The following MLIP variants were observed in gnomAD, a reference collection of about 807,000 sequenced individuals.
MLIP encodes the protein muscular LMNA interacting protein, also known as muscular LMNA-interacting protein.
Under a neutral mutation model 84.8 loss-of-function variants are expected in MLIP, and 79 were observed. That is an observed-to-expected ratio of 0.93 (90% confidence interval 0.78 to 1.12). The LOEUF is 1.12. MLIP is among the 50% of genes most tolerant of loss of function. The pLI, the probability that MLIP is intolerant of heterozygous loss-of-function variation, is 0.00. For synonymous variants in MLIP, 504 were observed against 463.0 expected (o/e 1.09, Z -1.14); for missense variants, 1,257 against 1,160.6 (o/e 1.08, Z -1.21).
Position 54,137,355 on chromosome 6 carries a change from G to A in MLIP, c.1286G>A (p.Arg429Lys). ...CTCAAGTCAAACCCTTCCCACCAAA[G>A]ACCCTTTTCCCCTGCATCCTGTCCC... The part of the protein sequence containing the change: ...AILKSNPSHQ[R>K]PFSPASCPTF... Residue 429 changes from arginine to lysine, a missense_variant, in exon 4 of 14, where the codon AGA becomes AAA. Coordinates refer to ENST00000502396, the MANE Select transcript of MLIP (RefSeq NM_001281747.2). 1 of 1,535,714 alleles carries A rather than the reference G, an allele frequency of 6.5e-7. No homozygotes were observed. Among genetic ancestry groups the A allele is most frequent in the Non-Finnish European group, 8.7e-7 (1 of 1,146,826 alleles).
upstream of MLIP, among the ~76,000 whole-genome samples, chr6:54,107,036 A>G (rs1769067800): frequency 5.3e-5 from 8 of 152,204 alleles, no homozygotes; most frequent in African/African-American, 1.7e-4. Flanking sequence ...TAATTCAACA[A>G]GGAGAGAGTG....
chr6:54,197,070 G>A (rs565145553), intron 10 of MLIP, among the ~76,000 whole-genome samples: 1 of 152,116 alleles, frequency 6.6e-6, no homozygotes, highest in South Asian at 2.1e-4. Context: ...ACAGTGAAGG[G>A]GTGGAAGGGA....
At chr6:54,103,833 G>C (rs1278475903) in intron 1 of MLIP, among the ~76,000 whole-genome samples, 1 of 152,104 alleles carries the variant, frequency 6.6e-6, no homozygotes, top group East Asian at 1.9e-4. Context: ...TGTTGCCCAA[G>C]TATGTGGAAA....
At chr6:54,196,547 G>A (rs531114687) in intron 10 of MLIP, among the ~76,000 whole-genome samples, 1 of 152,078 alleles carries the variant, frequency 6.6e-6, no homozygotes, top group South Asian at 2.1e-4. Flanking sequence ...AGTATTCCAT[G>A]GTGTATATGT....
intron 1 of MLIP, among the ~76,000 whole-genome samples, chr6:54,073,013 C>A (rs1170167686): frequency 6.6e-6 from 1 of 152,180 alleles, no homozygotes; most frequent in Non-Finnish European, 1.5e-5. Flanking sequence ...CTTCCCTCAA[C>A]ATTGCTCCAC....
In MLIP at chr6:54,238,978, G is replaced by T. The variant is rs78759303; in HGVS notation, c.2922+8061G>T. Among the ~76,000 whole-genome samples, 152 of 152,258 alleles carry T rather than the reference G, an allele frequency of 1.0e-3. 1 individual carries two copies. In the Middle Eastern group the frequency reaches 0.01, roughly 10 times the overall value. ...ATGAAAGAGGTAAATAAGTATGGCA[G>T]ATTTCTTCACATGTACTATGGATTC... On this transcript the variant is annotated intron_variant, in intron 12 of 13. Transcript: ENST00000502396.
chr6:54,104,726 C>G (rs1378851775), intron 1 of MLIP, among the ~76,000 whole-genome samples: 2 of 151,772 alleles, frequency 1.3e-5, no homozygotes, highest in Non-Finnish European at 2.9e-5. Flanking sequence ...TTTTTTTTCC[C>G]CCAAACTGTC....
chr6:54,158,317 A>G (rs912137936), intron 5 of MLIP, among the ~76,000 whole-genome samples: 5 of 152,132 alleles, frequency 3.3e-5, no homozygotes, highest in Non-Finnish European at 4.4e-5. Context: ...TATATAATAC[A>G]TGACAATAGA....
chr6:54,188,702 G>A (rs1777632067), intron 9 of MLIP, among the ~76,000 whole-genome samples: 1 of 152,102 alleles, frequency 6.6e-6, no homozygotes, highest in African/African-American at 2.4e-5. Flanking sequence ...GATATAATGG[G>A]AGAAAGGCAG....
intron 5 of MLIP, among the ~76,000 whole-genome samples, chr6:54,158,894 G>A (rs1774326349): frequency 6.6e-6 from 1 of 151,738 alleles, no homozygotes; most frequent in African/African-American, 2.4e-5. Flanking sequence ...TTTTCAAAGG[G>A]AAATGACAAC....
At chr6:54,251,232 A>G (rs12214345) in intron 12 of MLIP, among the ~76,000 whole-genome samples, 20,156 of 151,206 alleles carry the variant, frequency 0.13, 1,525 homozygotes, top group African/African-American at 0.19. Flanking sequence ...CAATGACTTT[A>G]CTATTCAACC....
chr6:54,204,721 G>A (rs1775797), intron 11 of MLIP, among the ~76,000 whole-genome samples: 152,268 of 152,338 alleles, frequency 1, 76,099 homozygotes, highest in Non-Finnish European at 1. Context: ...ATTTCTTTTC[G>A]TTGCTTTTTC....
intron 5 of MLIP, among the ~76,000 whole-genome samples, chr6:54,159,755 A>C (rs1341591052): frequency 6.6e-6 from 1 of 152,086 alleles, no homozygotes; most frequent in Non-Finnish European, 1.5e-5. Flanking sequence ...AACTCTGCCC[A>C]AATCTCTGGA....
intron 12 of MLIP, among the ~76,000 whole-genome samples, chr6:54,251,241 C>T (rs1475596358): frequency 1.3e-5 from 2 of 151,228 alleles, no homozygotes; most frequent in African/African-American, 2.4e-5. Context: ...TACTATTCAA[C>T]CTGTGGTAGC....
intron 10 of MLIP, among the ~76,000 whole-genome samples, chr6:54,195,671 T>C (rs1388575432): frequency 6.6e-6 from 1 of 152,074 alleles, no homozygotes; most frequent in Non-Finnish European, 1.5e-5. Context: ...CACAAATCAA[T>C]AGCAGGCTTA....
chr6:54,125,606 T>C (rs1770857313), intron 3 of MLIP, among the ~76,000 whole-genome samples: 1 of 152,306 alleles, frequency 6.6e-6, no homozygotes, highest in East Asian at 1.9e-4. Flanking sequence ...GACTGGCTAT[T>C]TGCTATAATG....
At chr6:54,219,802 G>A (rs759410473) in intron 11 of MLIP, among the ~76,000 whole-genome samples, 4 of 152,124 alleles carry the variant, frequency 2.6e-5, no homozygotes, top group Non-Finnish European at 5.9e-5. Flanking sequence ...AAAAGTGTCA[G>A]GCCTTTCTAA....
chr6:54,059,142 G>A (rs980629895), intron 1 of MLIP, among the ~76,000 whole-genome samples: 3 of 152,078 alleles, frequency 2.0e-5, no homozygotes, highest in Non-Finnish European at 4.4e-5. Context: ...TTGTCTAAGG[G>A]CCTACCTAGC....
chr6:54,026,704 CTG>C (rs1161538382), intron 1 of MLIP, among the ~76,000 whole-genome samples: 2 of 110,228 alleles, frequency 1.8e-5, no homozygotes, highest in Non-Finnish European at 3.8e-5. Context: ...AATGAAGAAC[CTG>C]TGTCTTCAGT....
Sources: gnomAD v4.1 joint callset for allele counts (sites outside exome capture counted in the v4.1 genomes callset) on GRCh38, gnomAD v4.1.1 for gene constraint, MANE v1.5 for transcripts, NCBI Gene and HGNC (gene_info 2026-07-23, HGNC 2026-07-21) for gene names.